KIF26B: variants seen among roughly 807,000 people sequenced by gnomAD.
The protein encoded by KIF26B is kinesin family member 26B.
Under a neutral mutation model 151.2 loss-of-function variants are expected in KIF26B, and 63 were observed. That is an observed-to-expected ratio of 0.42 (90% CI 0.34 to 0.51). The LOEUF (loss-of-function observed/expected upper bound fraction) is 0.51. Ranked by LOEUF, KIF26B falls within the 20% of genes least tolerant of loss-of-function variation. The pLI, the probability that KIF26B is intolerant of heterozygous loss-of-function variation, is 0.07. For missense variants in KIF26B, 2,813 were observed against 2,913.6 expected (o/e 0.97, Z 0.79); for synonymous variants, 1,357 against 1,262.1 (o/e 1.08, Z -1.59).
At chr1:245,568,282 A>T (rs377693280) in intron 5 of KIF26B, among the ~76,000 whole-genome samples, 2 of 151,568 alleles carry the variant, frequency 1.3e-5, no homozygotes, top group African/African-American at 4.9e-5. Flanking sequence ...TTGGGAAGCC[A>T]AGGCAGCAGG....
chr1:245,428,630 C>G (rs1658702463), intron 4 of KIF26B, among the ~76,000 whole-genome samples: 2 of 152,304 alleles, frequency 1.3e-5, no homozygotes, highest in Non-Finnish European at 2.9e-5. Flanking sequence ...TGGCACACAC[C>G]ACTCTGAGAT....
At chr1:245,317,285 G>A (rs1671797980) in intron 2 of KIF26B, among the ~76,000 whole-genome samples, 1 of 152,178 alleles carries the variant, frequency 6.6e-6, no homozygotes, top group Non-Finnish European at 1.5e-5. Flanking sequence ...CAACCACAGT[G>A]TTCACGGGCC....
chr1:245,181,584 C>T (rs1269749726), intron 2 of KIF26B, among the ~76,000 whole-genome samples: 1 of 151,340 alleles, frequency 6.6e-6, no homozygotes, highest in Non-Finnish European at 1.5e-5. Flanking sequence ...AACATGGCTA[C>T]AGCTGGCCAT....
chr1:245,229,886 G>A (rs548489267), intron 2 of KIF26B, among the ~76,000 whole-genome samples: 38 of 152,218 alleles, frequency 2.5e-4, no homozygotes, highest in Non-Finnish European at 4.4e-4. Context: ...TGTAATCCCC[G>A]CACTTTGGGA....
At chr1:245,600,291 G>A (rs1329268868) in intron 5 of KIF26B, among the ~76,000 whole-genome samples, 2 of 142,448 alleles carry the variant, frequency 1.4e-5, no homozygotes, top group African/African-American at 2.6e-5. Flanking sequence ...GCCCGCCTCG[G>A]CCTCCCAAAG....
chr1:245,521,048 A>G (rs573666270), intron 4 of KIF26B, among the ~76,000 whole-genome samples: 30 of 152,270 alleles, frequency 2.0e-4, no homozygotes, highest in African/African-American at 6.7e-4. Context: ...GTTAAAAAGC[A>G]ATAAACAGGC....
chr1:245,681,021 G>A (rs952844491), intron 10 of KIF26B, among the ~76,000 whole-genome samples: 2 of 152,102 alleles, frequency 1.3e-5, no homozygotes, highest in Non-Finnish European at 2.9e-5. Flanking sequence ...GGAAGGCTGT[G>A]ATGTGCCTTA....
chr1:245,213,832 G>A (rs1669591451), intron 2 of KIF26B, among the ~76,000 whole-genome samples: 2 of 152,220 alleles, frequency 1.3e-5, no homozygotes, highest in African/African-American at 2.4e-5. Context: ...TGAGGATGGA[G>A]CCTGGGGCTA....
intron 2 of KIF26B, among the ~76,000 whole-genome samples, chr1:245,299,407 G>C (rs1276433566): frequency 6.8e-6 from 1 of 147,518 alleles, no homozygotes; most frequent in Non-Finnish European, 1.5e-5. Flanking sequence ...TGTCGTGCCA[G>C]CTTTTCCTCA....
rs138181397 is a variant in KIF26B at position 245,222,301 on chromosome 1, G to A, written c.465+65618G>A. ...AAAATACAAAAATTAGCCAGGTGTG[G>A]TGGTGGGTGTCTGTAATCTCAGCTA... On this transcript the variant is annotated intron_variant, in intron 2 of 14. Transcript: ENST00000407071. Among the ~76,000 whole-genome samples, 705 of 152,236 alleles carry A rather than the reference G, an allele frequency of 4.6e-3. 11 individuals are homozygous for A. The highest frequency in any genetic ancestry group is 0.016 in the African/African-American group (654 of 41,544).
chr1:245,286,914 C>A (rs1030999400), intron 2 of KIF26B, among the ~76,000 whole-genome samples: 2 of 152,148 alleles, frequency 1.3e-5, no homozygotes, highest in Non-Finnish European at 2.9e-5. Context: ...CTGAGACCAG[C>A]TTGGCCAACA....
chr1:245,183,390 T>C (rs907658122), intron 2 of KIF26B, among the ~76,000 whole-genome samples: 2 of 152,258 alleles, frequency 1.3e-5, no homozygotes, highest in African/African-American at 4.8e-5. Context: ...GAAGATTTAC[T>C]TCCAGATTTT....
At chr1:245,614,277 C>T (rs1023931109) in intron 9 of KIF26B, among the ~76,000 whole-genome samples, 25 of 152,078 alleles carry the variant, frequency 1.6e-4, no homozygotes, top group African/African-American at 5.1e-4. Flanking sequence ...CGAGTTCAAG[C>T]GATTCTCCTG....
chr1:245,471,048 G>A (rs4418648), intron 4 of KIF26B, among the ~76,000 whole-genome samples: 14,894 of 151,338 alleles, frequency 0.098, 793 homozygotes, highest in South Asian at 0.13. Flanking sequence ...ATTTATTGTC[G>A]TATATTCAAG....
At chr1:245,664,660 A>G (rs548862542) in intron 10 of KIF26B, among the ~76,000 whole-genome samples, 55 of 152,356 alleles carry the variant, frequency 3.6e-4, no homozygotes, top group African/African-American at 1.2e-3. Flanking sequence ...TTCTTAATAA[A>G]AGAAAATACA....
chr1:245,511,055 C>T, intron 4 of KIF26B: 3 of 713,498 alleles, frequency 4.2e-6, no homozygotes, highest in Non-Finnish European at 7.8e-6. Flanking sequence ...TATTTATTAG[C>T]AGACGTGAAG....
intron 4 of KIF26B, among the ~76,000 whole-genome samples, chr1:245,471,276 A>G (rs1389964839): frequency 4.0e-5 from 6 of 151,650 alleles, no homozygotes; most frequent in Admixed American, 3.3e-4. Context: ...GATTACAGGC[A>G]TGCACCACCA....
chr1:245,246,648 C>G (rs1670335216), intron 2 of KIF26B, among the ~76,000 whole-genome samples: 1 of 152,120 alleles, frequency 6.6e-6, no homozygotes, highest in Non-Finnish European at 1.5e-5. Context: ...ACCCACACAC[C>G]CACTCCCATA....
chr1:245,196,038 T>G (rs1368567979), intron 2 of KIF26B, among the ~76,000 whole-genome samples: 1 of 152,162 alleles, frequency 6.6e-6, no homozygotes, highest in Non-Finnish European at 1.5e-5. Context: ...AGGATGTCCT[T>G]CTGTGGCAGG....
Sources: gnomAD v4.1 joint callset for allele counts (sites outside exome capture counted in the v4.1 genomes callset) on GRCh38, gnomAD v4.1.1 for gene constraint, MANE v1.5 for transcripts, NCBI Gene and HGNC (gene_info 2026-07-23, HGNC 2026-07-21) for gene names.